Variants in GRM3 observed in about 807,000 individuals in gnomAD.
The protein encoded by GRM3 is glutamate metabotropic receptor 3, also known as metabotropic glutamate receptor 3.
Under a neutral mutation model 70.5 loss-of-function variants are expected in GRM3, and 26 were observed. The observed-to-expected ratio is 0.37, with a 90% CI of 0.27 to 0.51. The LOEUF (loss-of-function observed/expected upper bound fraction) is 0.51. GRM3 is among the 20% of genes least tolerant of loss of function. The pLI is 0.93. For synonymous variants in GRM3, 443 were observed against 434.9 expected (o/e 1.02, Z -0.23); for missense variants, 859 against 1,123.8 (o/e 0.76, Z 3.37).
chr7:86,837,119 AT>A (rs1468509600), intron 3 of GRM3, among the ~76,000 whole-genome samples: 2 of 152,224 alleles, frequency 1.3e-5, no homozygotes, highest in Non-Finnish European at 2.9e-5. Flanking sequence ...TAAGTGAATA[AT>A]AAATTGGGCA....
chr7:86,788,357 A>G (rs1403787561), intron 3 of GRM3, among the ~76,000 whole-genome samples: 1 of 152,214 alleles, frequency 6.6e-6, no homozygotes. Context: ...CAGCCTTGAA[A>G]ATAAGCACAA....
intron 1 of GRM3, among the ~76,000 whole-genome samples, chr7:86,695,028 G>T (rs1794783093): frequency 1.3e-5 from 2 of 152,166 alleles, no homozygotes; most frequent in Non-Finnish European, 2.9e-5. Context: ...TTGTACCAAT[G>T]CTTATCAGGC....
At chr7:86,824,735 C>CA (rs1258330610) in intron 3 of GRM3, among the ~76,000 whole-genome samples, 1 of 152,126 alleles carries the variant, frequency 6.6e-6, no homozygotes, top group Non-Finnish European at 1.5e-5. Flanking sequence ...AACAATGCCC[C>CA]ATCTCCTGGT....
intron 3 of GRM3, among the ~76,000 whole-genome samples, chr7:86,788,529 T>C (rs2299219): frequency 0.19 from 29,239 of 152,144 alleles, 3,011 homozygotes; most frequent in Middle Eastern, 0.31. Context: ...ACTTTTTCTG[T>C]GCCCTGTATT....
chr7:86,766,576 G>A (rs1796605641), intron 2 of GRM3, among the ~76,000 whole-genome samples: 1 of 152,054 alleles, frequency 6.6e-6, no homozygotes, highest in Non-Finnish European at 1.5e-5. Flanking sequence ...TCCCCAGAAA[G>A]ATTGGTTTCA....
intron 2 of GRM3, among the ~76,000 whole-genome samples, chr7:86,772,670 G>A (rs1222552267): frequency 6.6e-6 from 1 of 152,048 alleles, no homozygotes; most frequent in African/African-American, 2.4e-5. Context: ...ATATTTTTAT[G>A]CCAGATGCTG....
intron 1 of GRM3, among the ~76,000 whole-genome samples, chr7:86,664,657 G>C (rs1238550349): frequency 6.6e-6 from 1 of 151,904 alleles, no homozygotes; most frequent in Non-Finnish European, 1.5e-5. Flanking sequence ...ATCCAAAAGA[G>C]ATGACAGAAT....
intron 1 of GRM3, among the ~76,000 whole-genome samples, chr7:86,721,322 G>A (rs2116228283): frequency 6.6e-6 from 1 of 152,068 alleles, no homozygotes; most frequent in Middle Eastern, 3.4e-3. Flanking sequence ...TGGCTTCTAG[G>A]ATGAAATACC....
chr7:86,768,107 G>C (rs188897095), intron 2 of GRM3, among the ~76,000 whole-genome samples: 12 of 147,124 alleles, frequency 8.2e-5, no homozygotes, highest in Admixed American at 4.7e-4. Flanking sequence ...ACCTGAGTTT[G>C]AATTCCAACT....
At chr7:86,693,644 A>G (rs541957671) in intron 1 of GRM3, among the ~76,000 whole-genome samples, 3 of 152,370 alleles carry the variant, frequency 2.0e-5, no homozygotes, top group African/African-American at 2.4e-5. Flanking sequence ...CATAATTACC[A>G]TAATGTTAAC....
rs546739966 is a variant in GRM3, at chr7:86,807,460, CA to C, written c.1324+20345del. On this transcript the variant is annotated intron_variant, in intron 3 of 5. Coordinates refer to ENST00000361669, the MANE Select transcript of GRM3 (RefSeq NM_000840.3). ...TAGTTCTCGTTGAAGAGGTCCTTCA[CA>C]TCCCTTATAAGTTGGATTCCTAAGT... 9.3e-3 allele frequency among the ~76,000 whole-genome samples: 1,409 copies of C among 150,784 alleles called. 24 individuals are homozygous for C. The highest frequency in any genetic ancestry group is 0.031 in the African/African-American group (1,259 of 40,604).
rs139224558 is a variant in GRM3, at chr7:86,745,254, A to C, written c.-140-19752A>C. Among the ~76,000 whole-genome samples the C allele has an allele frequency of 4.8e-3, 736 of 152,212 alleles. 7 individuals carry two copies. Among genetic ancestry groups the C allele is most frequent in the African/African-American group, 0.017 (712 of 41,552 alleles). ...ACATGTGCCAGAAACCCCTGAGGGC[A>C]GTGGGAGGTATGCTTTATCTAATTA... On this transcript the variant is annotated intron_variant, in intron 1 of 5. Transcript: ENST00000361669.
intron 3 of GRM3, among the ~76,000 whole-genome samples, chr7:86,806,231 C>A (rs1274175073): frequency 6.6e-6 from 1 of 152,122 alleles, no homozygotes; most frequent in Non-Finnish European, 1.5e-5. Context: ...GTCTATATTG[C>A]AGCATGATTT....
In GRM3 at chr7:86,803,902, C is replaced by T. The variant is rs374349705; in HGVS notation, c.1324+16786C>T. Among the ~76,000 whole-genome samples the T allele has an allele frequency of 7.2e-5, 11 of 152,242 alleles. No individual in the cohort carries two copies. In the South Asian group the frequency reaches 8.3e-4, roughly 11 times the overall value. ...CGTTGTGAAGATGTATGTCAGTTAA[C>T]GCTTTATCATTTTTAAATTGCTTTT... On this transcript the variant is annotated intron_variant, in intron 3 of 5. Coordinates refer to ENST00000361669, the MANE Select transcript of GRM3 (RefSeq NM_000840.3).
At chr7:86,817,152 T>C (rs1158925301) in intron 3 of GRM3, among the ~76,000 whole-genome samples, 2 of 144,644 alleles carry the variant, frequency 1.4e-5, no homozygotes, top group Non-Finnish European at 3.1e-5. Context: ...AGATTTAACT[T>C]TAAGCTTCTT....
At chr7:86,843,175 C>T (rs1186954679) in intron 4 of GRM3, among the ~76,000 whole-genome samples, 1 of 152,136 alleles carries the variant, frequency 6.6e-6, no homozygotes, top group Non-Finnish European at 1.5e-5. Context: ...ACTGACTCTG[C>T]TAGATGCTTT....
At chr7:86,778,443 GT>G (rs762710697) in intron 2 of GRM3, among the ~76,000 whole-genome samples, 3 of 151,936 alleles carry the variant, frequency 2.0e-5, no homozygotes, top group African/African-American at 4.8e-5. Context: ...CTTTTGTCTT[GT>G]GTTGAAAAAA....
chr7:86,657,467 A>G (rs1793776258), intron 1 of GRM3, among the ~76,000 whole-genome samples: 1 of 152,230 alleles, frequency 6.6e-6, no homozygotes, highest in South Asian at 2.1e-4. Context: ...TTCTAGACCT[A>G]TGCAAAAGCA....
At chr7:86,804,093 C>A (rs1265935741) in intron 3 of GRM3, among the ~76,000 whole-genome samples, 2 of 152,064 alleles carry the variant, frequency 1.3e-5, no homozygotes, top group Non-Finnish European at 2.9e-5. Flanking sequence ...TGGATCATTG[C>A]ACAGTGATAT....
Sources: allele counts gnomAD v4.1 joint callset (sites outside exome capture counted in the v4.1 genomes callset), GRCh38; gene constraint gnomAD v4.1.1; transcripts MANE v1.5; gene names NCBI Gene and HGNC (gene_info 2026-07-23, HGNC 2026-07-21).